Variants in ZNF552 observed in about 807,000 individuals in gnomAD.
The protein encoded by ZNF552 is zinc finger protein 552.
ZNF552 carries 2 observed loss-of-function variants against 7.2 expected under a neutral mutation model. The observed-to-expected ratio is 0.28, with a 90% CI of 0.11 to 0.88. The LOEUF is 0.88. ZNF552 is among the 40% of genes least tolerant of loss of function. The pLI, the probability that ZNF552 is intolerant of heterozygous loss-of-function variation, is 0.60. For synonymous variants in ZNF552, 173 were observed against 176.5 expected, an observed-to-expected ratio of 0.98 and a Z score of 0.16; for missense variants, 421 against 493.4, an observed-to-expected ratio of 0.85 and a Z score of 1.39.
At chr19:57,810,412 T>G (rs1987831833) in intron 2 of ZNF552, among the ~76,000 whole-genome samples, 1 of 152,210 alleles carries the variant, frequency 6.6e-6, no homozygotes, top group Non-Finnish European at 1.5e-5. Context: ...TGTTCAGTAC[T>G]AAGAAAAATT....
rs1430092825 is a variant in ZNF552 at position 57,808,918 on chromosome 19, G to A, written c.346C>T (p.Gln116Ter). The change falls in exon 3 of 3, where the codon CAG (glutamine) becomes TAG (stop). Residue 116 changes from glutamine to a stop codon, truncating the protein, a stop_gained. Coordinates refer to ENST00000391701, the MANE Select transcript of ZNF552 (RefSeq NM_024762.3). LOFTEE classifies it low-confidence loss of function (END_TRUNC). ...CAGGCCTCACACCTGTGCAGTTTCTGCTTGTGATGTGTTCCCTGATGATCT... is the reference window on the plus strand; with the variant it reads ...CAGGCCTCACACCTGTGCAGTTTCTACTTGTGATGTGTTCCCTGATGATCT... ...VADHQGTHHK[Q>*]KLHRCEAWGN... 6.2e-7 allele frequency: 1 copy of A among 1,610,766 alleles called. No homozygotes were observed. The highest frequency in any genetic ancestry group is 8.5e-7 in the Non-Finnish European group (1 of 1,178,212).
At position 57,808,568 on chromosome 19, in the gene ZNF552, T is replaced by C; in HGVS notation, c.696A>G (p.Arg232=). The change falls in exon 3 of 3, where the codon AGA becomes AGG. Residue 232 remains arginine, a synonymous_variant. Coordinates refer to ENST00000391701, the MANE Select transcript of ZNF552 (RefSeq NM_024762.3). The stretch of plus-strand genomic sequence containing the variant: ...CAGAAGGTTCTTCTGTAGGGAGCAG[T>C]CTCTCGTGCTGACTGAGTATATCTT... ...STKDILSQHE[R]LLPTEEPSVW... is the part of the protein sequence containing the mutation. The C allele has an allele frequency of 1.2e-6, 2 of 1,614,166 alleles. No individual in the cohort carries two copies. The highest frequency in any genetic ancestry group is 2.2e-5 in the South Asian group (2 of 91,076).
chr19:57,810,244 C>T (rs1987828577), intron 2 of ZNF552, among the ~76,000 whole-genome samples: 1 of 151,788 alleles, frequency 6.6e-6, no homozygotes, highest in African/African-American at 2.4e-5. Flanking sequence ...CAGAGCTGGG[C>T]GGATCACCTG....
intron 2 of ZNF552, among the ~76,000 whole-genome samples, chr19:57,809,987 G>A (rs181069575): frequency 6.6e-6 from 1 of 152,188 alleles, no homozygotes; most frequent in East Asian, 1.9e-4. Flanking sequence ...TGCACCTGCA[G>A]TCCTAGCTAC....
Position 57,807,697 on chromosome 19 carries a change from G to A in ZNF552, c.*343C>T. 4.3e-6 allele frequency: 1 copy of A among 233,586 alleles called. No homozygotes were observed. The highest frequency in any genetic ancestry group is 9.6e-5 in the East Asian group (1 of 10,458). The allele number at this position is 233,586 out of a possible 1,614,324, so 14.5% of individuals were successfully genotyped here. A position where few individuals can be genotyped will look rare whatever the true frequency, so the allele number is the denominator to read the frequency against. ...TGCAGTGTTGCAATCTCGGCTCACT[G>A]CAACCTCTGCCTCCCAGGCTCAAGC... On this transcript the variant is annotated 3_prime_UTR_variant, in exon 3 of 3. Transcript: ENST00000391701.
rs528034833 is a variant in ZNF552, at chr19:57,813,734, CTTTTTTTTTTT to C, written c.34-325_34-315del. ...ATACCCTCTCTGAACGCACCTCATT[CTTTTTTTTTTT>C]TTTTTTTTTTTTTTTTTGATACGGA... is the stretch of plus-strand genomic sequence containing the variant. On this transcript the variant is annotated intron_variant, in intron 1 of 2. Transcript: ENST00000391701. Among the ~76,000 whole-genome samples, 12 of 86,244 alleles carry C rather than the reference CTTTTTTTTTTT, an allele frequency of 1.4e-4. 1 individual carries two copies. The highest frequency in any genetic ancestry group is 4.3e-4 in the African/African-American group (8 of 18,636). The allele number at this position is 86,244 out of a possible 152,430, so 56.6% of individuals were successfully genotyped here. A position where few individuals can be genotyped will look rare whatever the true frequency, so the allele number is the denominator to read the frequency against.
rs139392552 is a variant in ZNF552, at chr19:57,811,541, C to A, written c.160+1753G>T. The stretch of plus-strand genomic sequence containing the variant: ...CATTCCACCTGACGAGAAACACCCA[C>A]AGGTGTGGAGAGGCAGGCCACCCTT... On this transcript the variant is annotated intron_variant, in intron 2 of 2. Transcript: ENST00000391701. Among the ~76,000 whole-genome samples the A allele has an allele frequency of 4.5e-3, 682 of 152,056 alleles. 11 individuals are homozygous for A. The highest frequency in any genetic ancestry group is 0.015 in the African/African-American group (625 of 41,476).
rs764022538 is a variant in ZNF552 at position 57,814,771 on chromosome 19, G to T, written c.-28C>A. 1 of 1,611,068 alleles carries T rather than the reference G, an allele frequency of 6.2e-7. No homozygotes were observed. Among genetic ancestry groups the T allele is most frequent in the South Asian group, 1.1e-5 (1 of 90,998 alleles). On this transcript the variant is annotated 5_prime_UTR_variant, in exon 1 of 3. Transcript: ENST00000391701. ...GACCACGTGGGGTAAGCTGGGTTGAGAGCAGCGGGCGCCGTTAAAGAGCTG... is the reference window on the plus strand; with the variant it reads ...GACCACGTGGGGTAAGCTGGGTTGATAGCAGCGGGCGCCGTTAAAGAGCTG...
At position 57,814,910 on chromosome 19, in the gene ZNF552, T is replaced by C; in HGVS notation, c.-167A>G. 2.8e-6 allele frequency: 2 copies of C among 706,618 alleles called. No individual in the cohort carries two copies. The highest frequency in any genetic ancestry group is 2.8e-5 in the East Asian group (1 of 36,348). 43.8% of individuals were successfully genotyped at this position (706,618 alleles called of 1,614,324 possible). A position where few individuals can be genotyped will look rare whatever the true frequency, so the allele number is the denominator to read the frequency against. ...CCCTAACGCCAATGGAAATGGTCGC[T>C]ACTAAAGGGCGCCGGGAGTCCCGCC... On this transcript the variant is annotated 5_prime_UTR_variant, in exon 1 of 3. Transcript: ENST00000391701.
In ZNF552 at chr19:57,814,738, C is replaced by T; in HGVS notation, c.6G>A (p.Ala2=). 6.2e-7 allele frequency: 1 copy of T among 1,613,898 alleles called. No individual in the cohort carries two copies. Among genetic ancestry groups the T allele is most frequent in the East Asian group, 2.2e-5 (1 of 44,880 alleles). M[A]AAALRFPVQG... is the part of the protein sequence containing the mutation. The stretch of plus-strand genomic sequence containing the variant: ...GAACGGGGAACCTTAGCGCGGCCGC[C>T]GCCATGGGACCACGTGGGGTAAGCT... The change falls in exon 1 of 3, where the codon GCG becomes GCA. Residue 2 remains alanine, a synonymous_variant. Coordinates refer to ENST00000391701, the MANE Select transcript of ZNF552 (RefSeq NM_024762.3).
At position 57,808,417 on chromosome 19, in the gene ZNF552, G is replaced by A; in HGVS notation, c.847C>T (p.Leu283Phe). Reference protein sequence around the residue: ...CGKLFNSKSHLLVHQRIHTGE... With the variant: ...CGKLFNSKSHFLVHQRIHTGE... ...GTGTGAATTCTCTGGTGTACAAGGA[G>A]GTGGGACTTACTGTTAAATAATTTC... is the stretch of plus-strand genomic sequence containing the variant. The change falls in exon 3 of 3, where the codon CTC becomes TTC. Residue 283 changes from leucine to phenylalanine, a missense_variant. By Grantham distance (22) the Leu-to-Phe change is conservative (BLOSUM62 0). Coordinates refer to ENST00000391701, the MANE Select transcript of ZNF552 (RefSeq NM_024762.3). The A allele has an allele frequency of 6.2e-7, 1 of 1,613,816 alleles. No homozygotes were observed. The highest frequency in any genetic ancestry group is 1.3e-5 in the African/African-American group (1 of 74,988).
rs755285372 is a variant in ZNF552, at chr19:57,808,675, T to C, written c.589A>G (p.Ser197Gly). The C allele has an allele frequency of 1.9e-6, 3 of 1,614,238 alleles. No homozygotes were observed. Among genetic ancestry groups the C allele is most frequent in the Non-Finnish European group, 2.5e-6 (3 of 1,180,038 alleles). The change falls in exon 3 of 3, where the codon AGC becomes GGC. Residue 197 changes from serine (S) to glycine (G), a missense_variant. Physicochemically the swap from Ser to Gly is moderately conservative, Grantham distance 56 (BLOSUM62 0). Around this residue, in one of 2 missense-constraint regions of ZNF552, gnomAD observed 299 missense variants for 293.7 expected, o/e 1.02. Transcript: ENST00000391701. ...QEATHTGKSN[S>G]KTECVSLFHG... ...AACAGAGACACACACTCAGTTTTGC[T>C]GTTTGACTTCCCAGTGTGAGTGGCC...
At chr19:57,813,502 C>A (rs1487110740) in intron 1 of ZNF552, 82 bp from the exon 2 acceptor site, 4 of 1,489,440 alleles carry the variant, frequency 2.7e-6, no homozygotes, top group Non-Finnish European at 3.7e-6. Flanking sequence ...CATCTACTCT[C>A]GCACATCCTC....
At chr19:57,810,329 T>C (rs1464034938) in intron 2 of ZNF552, among the ~76,000 whole-genome samples, 2 of 151,836 alleles carry the variant, frequency 1.3e-5, no homozygotes. Flanking sequence ...ATATTAGCCT[T>C]TGGGGAAAAG....
At chr19:57,814,687 G>A in intron 1 of ZNF552, 24 bp downstream of exon 1, 1 of 1,614,120 alleles carries the variant, frequency 6.2e-7, no homozygotes, top group African/African-American at 1.3e-5. Flanking sequence ...GGTGACCGGA[G>A]AGCACGGAAG....
rs571574045 is a variant in ZNF552, at chr19:57,811,942, T to C, written c.160+1352A>G. On this transcript the variant is annotated intron_variant, in intron 2 of 2. Coordinates refer to ENST00000391701, the MANE Select transcript of ZNF552 (RefSeq NM_024762.3). ...TACTTGGGAGGCTGAGGCAGAAGAA[T>C]TGCTTGAACCTGGGAGGTGGAGGTT... Among the ~76,000 whole-genome samples, 367 of 149,536 alleles carry C rather than the reference T, an allele frequency of 2.5e-3. 1 individual carries two copies. Among genetic ancestry groups the C allele is most frequent in the African/African-American group, 8.6e-3 (346 of 40,278 alleles).
chr19:57,808,973 G>A lies in ZNF552; in HGVS notation c.291C>T (p.Gly97=), dbSNP rs1166432054. ...PKKAHPCEMC[G]PILGDILHVA... ...CATGCAAAATGTCTCCCAAGATCGG[G>A]CCACACATCTCACAGGGGTGGGCCT... The change falls in exon 3 of 3, where the codon GGC becomes GGT. Residue 97 remains glycine (G), a synonymous_variant. Transcript: ENST00000391701. 1 of 1,589,558 alleles carries A rather than the reference G, an allele frequency of 6.3e-7. No homozygotes were observed. Among genetic ancestry groups the A allele is most frequent in the South Asian group, 1.1e-5 (1 of 88,528 alleles).
intron 1 of ZNF552, among the ~76,000 whole-genome samples, chr19:57,814,223 T>C (rs1176924305): frequency 1.3e-5 from 2 of 152,058 alleles, no homozygotes; most frequent in Non-Finnish European, 2.9e-5. Context: ...CAGCACAAAG[T>C]GTCATCTCTA....
At chr19:57,814,550 G>T (rs1308166912) in intron 1 of ZNF552, 161 bp downstream of exon 1, 3 of 1,543,920 alleles carry the variant, frequency 1.9e-6, no homozygotes, top group Non-Finnish European at 2.6e-6. Context: ...TCTCCCCACC[G>T]CATCCCACGG....
Sources: allele counts gnomAD v4.1 joint callset (sites outside exome capture counted in the v4.1 genomes callset), GRCh38; gene constraint gnomAD v4.1.1; regional missense constraint gnomAD v4.1.1; transcripts MANE v1.5; gene names NCBI Gene and HGNC (gene_info 2026-07-23, HGNC 2026-07-21).